The following PMEL variants were observed in gnomAD, a reference collection of about 807,000 sequenced individuals.
PMEL encodes melanocyte protein PMEL.
In PMEL, 53 loss-of-function variants were observed where a neutral mutation model predicts 64.9. The ratio of observed to expected loss-of-function variants is 0.82; its 90% CI spans 0.66 to 1.03. The LOEUF (loss-of-function observed/expected upper bound fraction) is 1.03, where lower values mean the gene tolerates loss of function less well. Among genes scored for constraint, PMEL ranks in the 50% least tolerant of loss-of-function variants. PMEL has a pLI of 0.00. For synonymous variants in PMEL, 299 were observed against 316.2 expected (o/e 0.95, Z 0.58); for missense variants, 716 against 814.9 (o/e 0.88, Z 1.48).
chr12:55,960,257 A>G (rs1190919214), intron 3 of PMEL, among the ~76,000 whole-genome samples: 2 of 151,032 alleles, frequency 1.3e-5, no homozygotes, highest in Non-Finnish European at 2.9e-5. Context: ...AAAAAAAAAG[A>G]AATGGAAACA....
chr12:55,958,843 G>A (rs1246440118), intron 3 of PMEL, among the ~76,000 whole-genome samples: 4 of 151,848 alleles, frequency 2.6e-5, no homozygotes, highest in Non-Finnish European at 5.9e-5. Context: ...GTGCAGTGGT[G>A]TGATCACAGC....
In PMEL at chr12:55,958,184, G is replaced by A. The variant is rs576994586; in HGVS notation, c.470-100C>T. On this transcript the variant is annotated intron_variant, in intron 4 of 10. Coordinates refer to ENST00000548747, the MANE Select transcript of PMEL (RefSeq NM_001384361.1). ...GGCACTGGAGATGGGAGGTCAGGAA[G>A]TATGATTACTTCTGAGGGTGTTTGG... The A allele has an allele frequency of 4.0e-6, 5 of 1,248,060 alleles. No homozygotes were observed. The South Asian group carries it at 5.5e-5, about 14-fold the overall frequency. 77.3% of individuals were successfully genotyped at this position (1,248,060 alleles called of 1,614,324 possible).
chr12:55,965,250 G>A (rs1889250784), intron 1 of PMEL, among the ~76,000 whole-genome samples: 2 of 152,148 alleles, frequency 1.3e-5, no homozygotes, highest in Non-Finnish European at 1.5e-5. Flanking sequence ...AATGTGTGCT[G>A]TAACCCTAGT....
In PMEL at chr12:55,957,487, C is replaced by T. The variant is rs776765291; in HGVS notation, c.816G>A (p.Arg272=). 2.5e-6 allele frequency: 4 copies of T among 1,613,768 alleles called. 1 individual carries two copies. Among genetic ancestry groups the T allele is most frequent in the East Asian group, 2.2e-5 (1 of 44,886 alleles). Residue 272 remains arginine (R), a synonymous_variant, in exon 6 of 11, where the codon CGG becomes CGA. Transcript: ENST00000548747. ...GGTAAGTATGAGTGACCACAAGTGCCCGAGAGATCAGGGTTCCACTACTGT... is the reference window on the plus strand; with the variant it reads ...GGTAAGTATGAGTGACCACAAGTGCTCGAGAGATCAGGGTTCCACTACTGT... ...FGDSSGTLIS[R]ALVVTHTYLE...
At chr12:55,961,546 A>G (rs972494401) in intron 2 of PMEL, 76 bp downstream of exon 2, 4 of 1,594,678 alleles carry the variant, frequency 2.5e-6, no homozygotes, top group African/African-American at 2.7e-5. Flanking sequence ...CCCAAGCTAC[A>G]CTCGATGCAG....
At chr12:55,962,587 G>A (rs1349345952) in intron 1 of PMEL, among the ~76,000 whole-genome samples, 1 of 123,920 alleles carries the variant, frequency 8.1e-6, no homozygotes, top group African/African-American at 3.1e-5. Context: ...GCAGTGGCGT[G>A]ATCTTGGCTC....
intron 6 of PMEL, 125 bp downstream of exon 6, chr12:55,956,824 T>G: frequency 9.8e-7 from 1 of 1,022,528 alleles, no homozygotes. Context: ...GCCAGGCCAG[T>G]GAGAACTCTG....
Position 55,954,368 on chromosome 12 carries a change from G to T in PMEL, c.1851-19C>A. 6.2e-7 allele frequency: 1 copy of T among 1,613,726 alleles called. No homozygotes were observed. On this transcript the variant is annotated intron_variant, in intron 10 of 10. Transcript: ENST00000548747. ...TCTGCGCCTGATATTGGGAGAAGGG[G>T]TAAACTGGTTAGCAATGGACAAAGG...
At chr12:55,965,481 C>T (rs1290685996) in intron 1 of PMEL, among the ~76,000 whole-genome samples, 1 of 151,454 alleles carries the variant, frequency 6.6e-6, no homozygotes, top group Non-Finnish European at 1.5e-5. Flanking sequence ...ACCCCTCTGC[C>T]TATCTCTCCA....
chr12:55,955,453 C>T lies in PMEL; in HGVS notation c.1762+11G>A, dbSNP rs762250873. On this transcript the variant is annotated intron_variant, in intron 9 of 10. Transcript: ENST00000548747. Reference sequence around the variant, plus strand: ...TCCCTTCCTCATCTTAGCTCTTGTCCAAGGACCTACCAGGCATGATAAGCT... The same window carrying T: ...TCCCTTCCTCATCTTAGCTCTTGTCTAAGGACCTACCAGGCATGATAAGCT... 2 of 1,613,938 alleles carry T rather than the reference C, an allele frequency of 1.2e-6. No individual in the cohort carries two copies. Among genetic ancestry groups the T allele is most frequent in the South Asian group, 2.2e-5 (2 of 91,086 alleles).
chr12:55,963,725 C>A (rs375318284), intron 1 of PMEL, among the ~76,000 whole-genome samples: 1 of 152,096 alleles, frequency 6.6e-6, no homozygotes, highest in Non-Finnish European at 1.5e-5. Flanking sequence ...TGCAGCACAG[C>A]GAGGAAAGTC....
At position 55,957,097 on chromosome 12, in the gene PMEL, A is replaced by C. The variant is rs1888913062; in HGVS notation, c.1206T>G (p.Pro402=). ...MSTPEATGMT[P]AEVSIVVLSG... is the part of the protein sequence containing the mutation. The stretch of plus-strand genomic sequence containing the variant: ...AAAGCACCACAATTGATACCTCTGC[A>C]GGTGTCATACCTGTAGCCTCTGGAG... Residue 402 remains proline (P), a synonymous_variant, in exon 6 of 11, where the codon CCT becomes CCG. Coordinates refer to ENST00000548747, the MANE Select transcript of PMEL (RefSeq NM_001384361.1). 6.2e-7 allele frequency: 1 copy of C among 1,614,134 alleles called. No individual in the cohort carries two copies. The highest frequency in any genetic ancestry group is 1.1e-5 in the South Asian group (1 of 91,092).
intron 3 of PMEL, 118 bp downstream of exon 3, chr12:55,961,199 C>T (rs1276043712): frequency 2.2e-6 from 2 of 928,066 alleles, no homozygotes; most frequent in African/African-American, 1.7e-5. Context: ...AGCGAGACTC[C>T]GTCTCAAAAA....
Position 55,957,781 on chromosome 12 carries a change from G to A in PMEL, c.632-110C>T. ...CTGGCTGGCCCTTCACTGGCACTAA[G>A]CCTCACATTTCTCTGCCTAGGTCTT... On this transcript the variant is annotated intron_variant, in intron 5 of 10. Transcript: ENST00000548747. 2.6e-6 allele frequency: 4 copies of A among 1,512,622 alleles called. No individual in the cohort carries two copies. In the South Asian group the frequency reaches 3.8e-5, roughly 14 times the overall value. The allele number at this position is 1,512,622 out of a possible 1,614,324, so 93.7% of individuals were successfully genotyped here.
chr12:55,958,622 CAG>C lies in PMEL; in HGVS notation c.335-17_335-16del. 1 of 1,611,116 alleles carries C rather than the reference CAG, an allele frequency of 6.2e-7. No homozygotes were observed. The highest frequency in any genetic ancestry group is 8.5e-7 in the Non-Finnish European group (1 of 1,178,834). On this transcript the variant is annotated splice_polypyrimidine_tract_variant and intron_variant, in intron 3 of 10. Transcript: ENST00000548747. ...CACCTGGCTCCCTGAAAGATAAATA[CAG>C]AGTCACTCTCAAACCCTGGCATTCT...
At chr12:55,957,758 G>A in intron 5 of PMEL, 87 bp from the exon 6 acceptor site, 2 of 1,533,180 alleles carry the variant, frequency 1.3e-6, no homozygotes, top group East Asian at 4.5e-5. Context: ...CAAGCTGACT[G>A]GCTGGCCCTT....
Position 55,954,182 on chromosome 12 carries a change from TC to T in PMEL, c.*31del. On this transcript the variant is annotated 3_prime_UTR_variant, in exon 11 of 11. Coordinates refer to ENST00000548747, the MANE Select transcript of PMEL (RefSeq NM_001384361.1). ...GGGAAATATAGGTGTTTCTGTCAACTCCAGGAAAATCACAGCATCATATGAG... is the reference window on the plus strand; with the variant it reads ...GGGAAATATAGGTGTTTCTGTCAACTCAGGAAAATCACAGCATCATATGAG... The T allele has an allele frequency of 6.4e-7, 1 of 1,573,244 alleles. No individual in the cohort carries two copies. The highest frequency in any genetic ancestry group is 8.6e-7 in the Non-Finnish European group (1 of 1,160,902).
rs755810701 is a variant in PMEL at position 55,954,142 on chromosome 12, C to T, written c.*72G>A. ...TATTTATTTCAGTTAATAGTAGTCT[C>T]CCAGGGAAGACTGGGGGAAATATAG... is the stretch of plus-strand genomic sequence containing the variant. On this transcript the variant is annotated 3_prime_UTR_variant, in exon 11 of 11. Coordinates refer to ENST00000548747, the MANE Select transcript of PMEL (RefSeq NM_001384361.1). 1 of 1,416,124 alleles carries T rather than the reference C, an allele frequency of 7.1e-7. No individual in the cohort carries two copies. Among genetic ancestry groups the T allele is most frequent in the Non-Finnish European group, 9.7e-7 (1 of 1,032,988 alleles). The allele number at this position is 1,416,124 out of a possible 1,614,324, so 87.7% of individuals were successfully genotyped here.
At position 55,954,137 on chromosome 12, in the gene PMEL, A is replaced by G. The variant is rs1361087621; in HGVS notation, c.*77T>C. On this transcript the variant is annotated 3_prime_UTR_variant, in exon 11 of 11. Coordinates refer to ENST00000548747, the MANE Select transcript of PMEL (RefSeq NM_001384361.1). The stretch of plus-strand genomic sequence containing the variant: ...CTGAGTATTTATTTCAGTTAATAGT[A>G]GTCTCCCAGGGAAGACTGGGGGAAA... 18 of 1,343,106 alleles carry G rather than the reference A, an allele frequency of 1.3e-5. No homozygotes were observed. Among genetic ancestry groups the G allele is most frequent in the Non-Finnish European group, 1.9e-5 (18 of 971,674 alleles). The allele number at this position is 1,343,106 out of a possible 1,614,324, so 83.2% of individuals were successfully genotyped here. A position where few individuals can be genotyped will look rare whatever the true frequency, so the allele number is the denominator to read the frequency against.
Sources: gnomAD v4.1 joint callset for allele counts (sites outside exome capture counted in the v4.1 genomes callset) on GRCh38, gnomAD v4.1.1 for gene constraint, MANE v1.5 for transcripts, NCBI Gene and HGNC (gene_info 2026-07-23, HGNC 2026-07-21) for gene names.